CSMD3: variants seen among roughly 807,000 people sequenced by gnomAD.
CSMD3 encodes the protein CUB and sushi domain-containing protein 3.
CSMD3 carries 177 observed loss-of-function variants against 435.2 expected under a neutral mutation model. The ratio of observed to expected loss-of-function variants is 0.41; its 90% CI spans 0.36 to 0.46. The LOEUF (loss-of-function observed/expected upper bound fraction) is 0.46. Among genes scored for constraint, CSMD3 ranks in the 20% least tolerant of loss-of-function variants. The pLI is 0.34. For synonymous variants in CSMD3, 1,656 were observed against 1,520.5 expected, an observed-to-expected ratio of 1.09 and a Z score of -2.07; for missense variants, 4,265 against 4,504.6, an observed-to-expected ratio of 0.95 and a Z score of 1.52.
At chr8:113,346,566 C>G (rs180891207) in intron 1 of CSMD3, among the ~76,000 whole-genome samples, 2 of 151,928 alleles carry the variant, frequency 1.3e-5, no homozygotes, top group South Asian at 4.2e-4. Flanking sequence ...ATTATTAAAA[C>G]CAGGGCAAAT....
chr8:112,691,248 A>G (rs999503946), intron 13 of CSMD3, among the ~76,000 whole-genome samples: 1 of 152,176 alleles, frequency 6.6e-6, no homozygotes, highest in Admixed American at 6.6e-5. Flanking sequence ...TTTCTTTAAA[A>G]AACTGGATTT....
At chr8:113,152,878 T>A (rs1470876536) in intron 4 of CSMD3, among the ~76,000 whole-genome samples, 1 of 151,170 alleles carries the variant, frequency 6.6e-6, no homozygotes, top group Admixed American at 6.6e-5. Context: ...GGCTGAGGCA[T>A]AAGAGTCATT....
intron 37 of CSMD3, among the ~76,000 whole-genome samples, chr8:112,382,440 A>C (rs577376188): frequency 5.3e-4 from 80 of 152,276 alleles, no homozygotes; most frequent in Middle Eastern, 3.4e-3. Flanking sequence ...CTCTTGCTCC[A>C]GATATTTCTT....
chr8:112,342,971 T>TTATATATATATA (rs1159933349), intron 41 of CSMD3, among the ~76,000 whole-genome samples: 13 of 92,406 alleles, frequency 1.4e-4, no homozygotes, highest in African/African-American at 1.5e-4. Flanking sequence ...TTGAAATGTA[T>TTATATATATATA]TATATATATA....
At chr8:112,362,253 C>G (rs1314110527) in intron 38 of CSMD3, among the ~76,000 whole-genome samples, 1 of 151,974 alleles carries the variant, frequency 6.6e-6, no homozygotes, top group African/African-American at 2.4e-5. Context: ...CAAGTAACTT[C>G]ATGAATGTTT....
chr8:112,354,016 T>C, intron 38 of CSMD3, among the ~76,000 whole-genome samples: 1 of 152,200 alleles, frequency 6.6e-6, no homozygotes, highest in East Asian at 1.9e-4. Flanking sequence ...AACAGGATTC[T>C]TCCTGGGATG....
At chr8:112,433,634 G>T in intron 32 of CSMD3, among the ~76,000 whole-genome samples, 1 of 97,014 alleles carries the variant, frequency 1.0e-5, no homozygotes, top group African/African-American at 3.9e-5. Context: ...TTCAGCCTAA[G>T]CAACACTGAG....
chr8:112,640,807 A>C (rs539951209), intron 20 of CSMD3, among the ~76,000 whole-genome samples: 1 of 152,226 alleles, frequency 6.6e-6, no homozygotes, highest in South Asian at 2.1e-4. Context: ...GAAAGTTCAG[A>C]TAAGTCAGTC....
At chr8:112,385,344 C>A (rs976164010) in intron 36 of CSMD3, among the ~76,000 whole-genome samples, 12 of 151,854 alleles carry the variant, frequency 7.9e-5, no homozygotes, top group Admixed American at 7.9e-4. Flanking sequence ...TATAAGGCAC[C>A]CTGCATGTAG....
intron 3 of CSMD3, among the ~76,000 whole-genome samples, chr8:113,202,054 T>C (rs1588265871): frequency 6.6e-6 from 1 of 152,084 alleles, no homozygotes; most frequent in Admixed American, 6.6e-5. Flanking sequence ...AATACTCTAT[T>C]GATGGCGCTT....
chr8:113,412,944 C>A (rs538530838), intron 1 of CSMD3, among the ~76,000 whole-genome samples: 1 of 152,150 alleles, frequency 6.6e-6, no homozygotes, highest in East Asian at 1.9e-4. Flanking sequence ...AGAGTAATCA[C>A]AAATACGAGT....
At chr8:112,903,319 C>T (rs913983865) in intron 10 of CSMD3, among the ~76,000 whole-genome samples, 17 of 151,140 alleles carry the variant, frequency 1.1e-4, no homozygotes, top group Middle Eastern at 3.2e-3. Flanking sequence ...TTTATAGCAG[C>T]TAACATGGGC....
intron 23 of CSMD3, among the ~76,000 whole-genome samples, chr8:112,575,635 T>C (rs574992384): frequency 6.6e-6 from 1 of 152,260 alleles, no homozygotes; most frequent in South Asian, 2.1e-4. Context: ...AGCAAGAATG[T>C]ATCTGTCTTC....
rs1208474790 is a variant in CSMD3 at position 113,019,068 on chromosome 8, T to C, written c.1029A>G (p.Gln343=). 1 of 1,589,648 alleles carries C rather than the reference T, an allele frequency of 6.3e-7. No homozygotes were observed. The highest frequency in any genetic ancestry group is 1.3e-5 in the African/African-American group (1 of 74,544). The change falls in exon 6 of 71, where the codon CAA becomes CAG. Residue 343 remains glutamine (Q), a splice_region_variant and synonymous_variant. Transcript: ENST00000297405. Reference sequence around the variant, plus strand: ...GGCAAAGGTATTCCATAAGTATACCTTGATAGGGAGCACTAAATCCACGGT... The same window carrying C: ...GGCAAAGGTATTCCATAAGTATACCCTGATAGGGAGCACTAAATCCACGGT... ...HRYRGFSAPY[Q]GSSTLTHTTS... is the part of the protein sequence containing the mutation.
intron 1 of CSMD3, among the ~76,000 whole-genome samples, chr8:113,426,379 G>A (rs2094635680): frequency 6.6e-6 from 1 of 150,438 alleles, no homozygotes; most frequent in African/African-American, 2.4e-5. Flanking sequence ...CTTCATTGTG[G>A]GTGTATCCAT....
chr8:113,154,920 T>TTATAAGAAATATAAA, intron 4 of CSMD3, among the ~76,000 whole-genome samples: 1 of 152,116 alleles, frequency 6.6e-6, no homozygotes, highest in South Asian at 2.1e-4. Flanking sequence ...ATTTGTCTAT[T>TTATAAGAAATATAAA]TTGTGTCCTA....
At chr8:113,277,528 A>T (rs2093580971) in intron 3 of CSMD3, among the ~76,000 whole-genome samples, 1 of 152,092 alleles carries the variant, frequency 6.6e-6, no homozygotes, top group South Asian at 2.1e-4. Flanking sequence ...TACATGCAAG[A>T]TGTTAACATT....
At chr8:112,662,133 G>A (rs2131685766) in intron 17 of CSMD3, among the ~76,000 whole-genome samples, 1 of 152,236 alleles carries the variant, frequency 6.6e-6, no homozygotes, top group Middle Eastern at 3.4e-3. Context: ...TCCCCATCAA[G>A]CTACCGATGA....
chr8:112,939,802 A>C (rs1421890316), intron 9 of CSMD3, among the ~76,000 whole-genome samples: 2 of 151,998 alleles, frequency 1.3e-5, no homozygotes, highest in African/African-American at 4.8e-5. Context: ...GGAAGTGAGA[A>C]GGTAAAGTAG....
Sources: gnomAD v4.1 joint callset for allele counts (sites outside exome capture counted in the v4.1 genomes callset) on GRCh38, gnomAD v4.1.1 for gene constraint, MANE v1.5 for transcripts, NCBI Gene and HGNC (gene_info 2026-07-23, HGNC 2026-07-21) for gene names.